Variants in EYS observed in about 807,000 individuals in gnomAD.
EYS encodes the protein EGF-like photoreceptor maintenance factor, also known as protein eyes shut homolog.
Under a neutral mutation model 282.1 loss-of-function variants are expected in EYS, and 250 were observed. The observed-to-expected ratio is 0.89, with a 90% CI of 0.80 to 0.98. The LOEUF (loss-of-function observed/expected upper bound fraction) is 0.98. Ranked by LOEUF, EYS falls within the 50% of genes least tolerant of loss-of-function variation. The pLI is 0.00. For synonymous variants in EYS, 1,355 were observed against 1,282.9 expected, an observed-to-expected ratio of 1.06 and a Z score of -1.20; for missense variants, 4,016 against 3,709.0, an observed-to-expected ratio of 1.08 and a Z score of -2.15.
chr6:65,047,303 C>A (rs1018112463), intron 13 of EYS, among the ~76,000 whole-genome samples: 1 of 151,810 alleles, frequency 6.6e-6, no homozygotes, highest in African/African-American at 2.4e-5. Flanking sequence ...TTACCTATAT[C>A]TCCATCCATA....
chr6:64,752,577 CTATT>C (rs1325470314), intron 22 of EYS, among the ~76,000 whole-genome samples: 7 of 152,010 alleles, frequency 4.6e-5, no homozygotes, highest in African/African-American at 1.5e-4. Flanking sequence ...GTTGGACTAT[CTATT>C]TGAGGGAATG....
chr6:64,722,233 C>T (rs572482716), intron 22 of EYS, among the ~76,000 whole-genome samples: 2 of 152,104 alleles, frequency 1.3e-5, no homozygotes, highest in South Asian at 4.2e-4. Context: ...GATGGTGAGA[C>T]TGTATATAAT....
At chr6:64,204,990 G>C (rs140514199) in intron 31 of EYS, among the ~76,000 whole-genome samples, 1 of 152,094 alleles carries the variant, frequency 6.6e-6, no homozygotes. Context: ...GATATGTAAT[G>C]AAATATTTCT....
At chr6:64,165,360 TAAG>T (rs1401693297) in intron 31 of EYS, among the ~76,000 whole-genome samples, 1 of 152,074 alleles carries the variant, frequency 6.6e-6, no homozygotes, top group African/African-American at 2.4e-5. Flanking sequence ...ATAATTTTAA[TAAG>T]ATTTTATTTG....
intron 29 of EYS, among the ~76,000 whole-genome samples, chr6:64,320,332 T>C (rs1302408120): frequency 6.6e-6 from 1 of 151,830 alleles, no homozygotes; most frequent in Non-Finnish European, 1.5e-5. Flanking sequence ...TTTTTATCTG[T>C]TTAGGTCATT....
chr6:65,246,002 T>G (rs2150279402), intron 12 of EYS, among the ~76,000 whole-genome samples: 1 of 152,250 alleles, frequency 6.6e-6, no homozygotes, highest in African/African-American at 2.4e-5. Context: ...TCTATTTTCC[T>G]TATATTCCTA....
chr6:65,059,453 G>T (rs184978208), intron 12 of EYS, among the ~76,000 whole-genome samples: 1 of 152,040 alleles, frequency 6.6e-6, no homozygotes, highest in African/African-American at 2.4e-5. Context: ...TTACAACTTG[G>T]ATCAAGGTGC....
At position 65,050,521 on chromosome 6, in the gene EYS, T is replaced by G. The variant is rs375780236; in HGVS notation, c.2137+7093A>C. On this transcript the variant is annotated intron_variant, in intron 13 of 42. Transcript: ENST00000503581. ...ATATTGTCATTTTCATTAAAGAAATTTAACTGACTTTTGGTTAATATTCTA... is the reference window on the plus strand; with the variant it reads ...ATATTGTCATTTTCATTAAAGAAATGTAACTGACTTTTGGTTAATATTCTA... Among the ~76,000 whole-genome samples the G allele has an allele frequency of 1.3e-3, 198 of 151,776 alleles. 2 individuals are homozygous for G. Among genetic ancestry groups the G allele is most frequent in the African/African-American group, 4.7e-3 (195 of 41,528 alleles).
intron 22 of EYS, among the ~76,000 whole-genome samples, chr6:64,782,259 G>T (rs1205770269): frequency 6.6e-6 from 1 of 152,150 alleles, no homozygotes; most frequent in African/African-American, 2.4e-5. Flanking sequence ...TTACAAATTT[G>T]CAGTCTACAA....
At chr6:64,933,062 GC>G (rs1342273904) in intron 15 of EYS, among the ~76,000 whole-genome samples, 1 of 152,002 alleles carries the variant, frequency 6.6e-6, no homozygotes, top group African/African-American at 2.4e-5. Flanking sequence ...AATAGAAACT[GC>G]CTTTGAGGAC....
intron 35 of EYS, among the ~76,000 whole-genome samples, chr6:63,948,630 TTCTC>T (rs199999820): frequency 0.038 from 5,559 of 147,304 alleles, 130 homozygotes; most frequent in Non-Finnish European, 0.059. Flanking sequence ...CTTTCTTTCT[TTCTC>T]TCTCCTTCTC....
At chr6:64,805,518 T>A (rs998189038) in intron 22 of EYS, among the ~76,000 whole-genome samples, 2 of 151,830 alleles carry the variant, frequency 1.3e-5, no homozygotes, top group Admixed American at 1.3e-4. Context: ...AGGCAAACTA[T>A]AATAAATTCT....
intron 19 of EYS, among the ~76,000 whole-genome samples, chr6:64,884,765 T>C (rs1767035762): frequency 6.6e-6 from 1 of 151,674 alleles, no homozygotes; most frequent in Admixed American, 6.6e-5. Flanking sequence ...TGTATCTTTC[T>C]TGGTTTGAAA....
chr6:64,342,710 T>C (rs1771175429), intron 29 of EYS, among the ~76,000 whole-genome samples: 1 of 151,962 alleles, frequency 6.6e-6, no homozygotes, highest in South Asian at 2.1e-4. Flanking sequence ...AATTCACACA[T>C]AACAATACTA....
intron 22 of EYS, among the ~76,000 whole-genome samples, chr6:64,775,078 C>A (rs1773637900): frequency 6.6e-6 from 1 of 151,964 alleles, no homozygotes; most frequent in Non-Finnish European, 1.5e-5. Context: ...ACAAGTGAAA[C>A]TCTCCTGGGA....
At chr6:64,889,637 A>G (rs965201919) in intron 18 of EYS, among the ~76,000 whole-genome samples, 4 of 152,026 alleles carry the variant, frequency 2.6e-5, no homozygotes, top group African/African-American at 7.2e-5. Context: ...CTTTACTGCA[A>G]TCTCTAAACA....
intron 2 of EYS, among the ~76,000 whole-genome samples, chr6:65,609,414 A>G (rs1765916184): frequency 6.6e-6 from 1 of 152,084 alleles, no homozygotes; most frequent in African/African-American, 2.4e-5. Flanking sequence ...ATCTTTTAAA[A>G]TAGAGAATGT....
At chr6:64,967,030 C>T (rs1432567811) in intron 14 of EYS, among the ~76,000 whole-genome samples, 2 of 152,270 alleles carry the variant, frequency 1.3e-5, no homozygotes, top group East Asian at 3.9e-4. Flanking sequence ...AAATTATATT[C>T]TACTAATTAC....
chr6:64,571,892 T>A (rs1248339605), intron 26 of EYS, among the ~76,000 whole-genome samples: 1 of 151,834 alleles, frequency 6.6e-6, no homozygotes, highest in Non-Finnish European at 1.5e-5. Flanking sequence ...TTGCAAACAA[T>A]AGAAAAAGAG....
Sources: allele counts gnomAD v4.1 joint callset (sites outside exome capture counted in the v4.1 genomes callset), GRCh38; gene constraint gnomAD v4.1.1; transcripts MANE v1.5; gene names NCBI Gene and HGNC (gene_info 2026-07-23, HGNC 2026-07-21).